The following SFMBT1 variants were observed in gnomAD, a reference collection of about 807,000 sequenced individuals.
SFMBT1 encodes the protein scm-like with four MBT domains protein 1.
A neutral mutation model predicts 108.7 loss-of-function variants in SFMBT1; 32 were observed. The ratio of observed to expected loss-of-function variants is 0.29; its 90% CI spans 0.22 to 0.40. SFMBT1 has a LOEUF of 0.40. Among genes scored for constraint, SFMBT1 ranks in the 10% least tolerant of loss-of-function variants. The pLI, the probability that SFMBT1 is intolerant of heterozygous loss-of-function variation, is 1.00. For missense variants in SFMBT1, 816 were observed against 1,059.6 expected (o/e 0.77, Z 3.19); for synonymous variants, 348 against 369.5 (o/e 0.94, Z 0.67).
intron 1 of SFMBT1, among the ~76,000 whole-genome samples, chr3:53,034,729 G>A (rs891095360): frequency 1.3e-5 from 2 of 152,096 alleles, no homozygotes; most frequent in Admixed American, 6.5e-5. Flanking sequence ...TTGAGATCAC[G>A]AGTTCGAGAC....
chr3:52,962,479 A>G (rs1428013860), intron 2 of SFMBT1, among the ~76,000 whole-genome samples: 1 of 152,160 alleles, frequency 6.6e-6, no homozygotes, highest in Non-Finnish European at 1.5e-5. Flanking sequence ...ACTACCAAAC[A>G]GTATTTTTTT....
intron 4 of SFMBT1, among the ~76,000 whole-genome samples, chr3:52,941,201 G>A (rs1389770090): frequency 6.6e-6 from 1 of 152,190 alleles, no homozygotes; most frequent in African/African-American, 2.4e-5. Flanking sequence ...TCAAAGTCAT[G>A]AAAGACGAAA....
At chr3:53,044,142 A>C (rs539009523) in intron 1 of SFMBT1, among the ~76,000 whole-genome samples, 8 of 152,118 alleles carry the variant, frequency 5.3e-5, no homozygotes, top group Non-Finnish European at 1.2e-4. Flanking sequence ...ATATAAAACC[A>C]TTCTGGATCT....
chr3:52,987,488 T>C (rs1346547823), intron 1 of SFMBT1, among the ~76,000 whole-genome samples: 1 of 152,156 alleles, frequency 6.6e-6, no homozygotes, highest in East Asian at 1.9e-4. Flanking sequence ...CCGTCATATA[T>C]ACAGGCCACC....
chr3:53,032,920 C>T (rs1311148018), intron 1 of SFMBT1, among the ~76,000 whole-genome samples: 1 of 152,198 alleles, frequency 6.6e-6, no homozygotes, highest in African/African-American at 2.4e-5. Flanking sequence ...CCTTAAAGGA[C>T]AAACAGGGAT....
At chr3:53,008,255 T>TAC (rs989885810) in intron 1 of SFMBT1, among the ~76,000 whole-genome samples, 5 of 152,166 alleles carry the variant, frequency 3.3e-5, no homozygotes, top group Non-Finnish European at 7.4e-5. Flanking sequence ...ATTGGAAACA[T>TAC]ACACACACTA....
At chr3:52,915,423 A>G (rs1702322395) in intron 14 of SFMBT1, among the ~76,000 whole-genome samples, 1 of 152,256 alleles carries the variant, frequency 6.6e-6, no homozygotes, top group South Asian at 2.1e-4. Context: ...CAGTAGGTAC[A>G]AGAGACGGAA....
At chr3:53,042,217 T>G (rs1214076454) in intron 1 of SFMBT1, among the ~76,000 whole-genome samples, 1 of 152,212 alleles carries the variant, frequency 6.6e-6, no homozygotes, top group African/African-American at 2.4e-5. Context: ...TTCTACAGAC[T>G]TTAGAGTTAA....
At position 52,994,502 on chromosome 3, in the gene SFMBT1, T is replaced by C. The variant is rs985372734; in HGVS notation, c.-130-25244A>G. Among the ~76,000 whole-genome samples the C allele has an allele frequency of 2.0e-5, 3 of 149,994 alleles. 1 individual carries two copies. The highest frequency in any genetic ancestry group is 4.5e-5 in the Non-Finnish European group (3 of 66,852). On this transcript the variant is annotated intron_variant, in intron 1 of 20. Coordinates refer to ENST00000394752, the MANE Select transcript of SFMBT1 (RefSeq NM_016329.4). The stretch of plus-strand genomic sequence containing the variant: ...ACACCACAGAGAAGTTAGAGGAACA[T>C]GTTTGTTTGTTTTTTGAGACGGAGT...
intron 1 of SFMBT1, among the ~76,000 whole-genome samples, chr3:53,013,272 G>T (rs755361806): frequency 1.3e-5 from 2 of 151,658 alleles, no homozygotes; most frequent in African/African-American, 2.4e-5. Context: ...ACTCAAAATG[G>T]TAAGGGTAAT....
At position 52,904,927 on chromosome 3, in the gene SFMBT1, A is replaced by T. The variant is rs1702027257; in HGVS notation, c.*209T>A. 2.0e-6 allele frequency: 1 copy of T among 500,442 alleles called. No individual in the cohort carries two copies. Among genetic ancestry groups the T allele is most frequent in the Non-Finnish European group, 3.4e-6 (1 of 291,870 alleles). 31.0% of individuals were successfully genotyped at this position (500,442 alleles called of 1,614,324 possible). A position where few individuals can be genotyped will look rare whatever the true frequency, so the allele number is the denominator to read the frequency against. On this transcript the variant is annotated 3_prime_UTR_variant, in exon 21 of 21. Coordinates refer to ENST00000394752, the MANE Select transcript of SFMBT1 (RefSeq NM_016329.4). The stretch of plus-strand genomic sequence containing the variant: ...AAAACTGCCATCTGCTGAACAAGAG[A>T]TGTCCACATTTCCACCAGCAGGTGA...
At position 52,907,579 on chromosome 3, in the gene SFMBT1, A is replaced by G. The variant is rs555135315; in HGVS notation, c.2061T>C (p.Asp687=). Residue 687 remains aspartate (D), a synonymous_variant, in exon 18 of 21, where the codon GAT becomes GAC. Transcript: ENST00000394752. ...CCTGGGGAGAGCCCGCTGGGGTATT[A>G]TCAACAGATGCAGAGGAGCGTTTCT... ...HKKKRSSASV[D]NTPAGSPQGS... is the part of the protein sequence containing the mutation. 1 of 1,613,822 alleles carries G rather than the reference A, an allele frequency of 6.2e-7. No homozygotes were observed. Among genetic ancestry groups the G allele is most frequent in the South Asian group, 1.1e-5 (1 of 90,992 alleles).
chr3:52,966,089 G>A (rs9813024), intron 2 of SFMBT1, among the ~76,000 whole-genome samples: 34,859 of 142,042 alleles, frequency 0.25, 4,401 homozygotes, highest in Admixed American at 0.36. Flanking sequence ...AGGCCGAGGC[G>A]GGCGGATCAC....
chr3:52,999,642 G>A (rs1698469142), intron 1 of SFMBT1, among the ~76,000 whole-genome samples: 1 of 150,116 alleles, frequency 6.7e-6, no homozygotes, highest in African/African-American at 2.4e-5. Context: ...GGATGTCACT[G>A]GCCAAAGGTC....
intron 1 of SFMBT1, among the ~76,000 whole-genome samples, chr3:53,007,402 T>C (rs1366554758): frequency 6.6e-6 from 1 of 152,246 alleles, no homozygotes; most frequent in East Asian, 1.9e-4. Flanking sequence ...CTAATTATTT[T>C]TTCAAATATC....
chr3:52,987,832 G>C (rs988679713), intron 1 of SFMBT1, among the ~76,000 whole-genome samples: 5 of 152,062 alleles, frequency 3.3e-5, no homozygotes, highest in African/African-American at 1.2e-4. Context: ...TATTCTAGTA[G>C]GGCCCTAAAA....
intron 1 of SFMBT1, among the ~76,000 whole-genome samples, chr3:52,985,966 A>T (rs1704895772): frequency 6.6e-6 from 1 of 152,008 alleles, no homozygotes; most frequent in Non-Finnish European, 1.5e-5. Flanking sequence ...AACATGGTGA[A>T]ACCCCGTCTC....
intron 2 of SFMBT1, among the ~76,000 whole-genome samples, chr3:52,962,890 A>T (rs1704011589): frequency 6.6e-6 from 1 of 151,778 alleles, no homozygotes; most frequent in African/African-American, 2.4e-5. Flanking sequence ...TATATTTTTA[A>T]AAATGAACAA....
At chr3:52,928,138 T>C in intron 9 of SFMBT1, 53 bp downstream of exon 9, 1 of 1,581,594 alleles carries the variant, frequency 6.3e-7, no homozygotes, top group South Asian at 1.1e-5. Flanking sequence ...CTGACATGTC[T>C]CATTTCAAGG....
Sources: gnomAD v4.1 joint callset for allele counts (sites outside exome capture counted in the v4.1 genomes callset) on GRCh38, gnomAD v4.1.1 for gene constraint, MANE v1.5 for transcripts, NCBI Gene and HGNC (gene_info 2026-07-23, HGNC 2026-07-21) for gene names.